The following FZD6 variants were observed in gnomAD, a reference collection of about 807,000 sequenced individuals.
FZD6 encodes the protein frizzled class receptor 6.
Under a neutral mutation model 61.4 loss-of-function variants are expected in FZD6, and 49 were observed. That is an observed-to-expected ratio of 0.80 (90% confidence interval 0.63 to 1.01). The LOEUF (loss-of-function observed/expected upper bound fraction) is 1.01. FZD6 is among the 50% of genes least tolerant of loss of function. The pLI, the probability that FZD6 is intolerant of heterozygous loss-of-function variation, is 0.00. For missense variants in FZD6, 724 were observed against 848.2 expected, an observed-to-expected ratio of 0.85 and a Z score of 1.82; for synonymous variants, 265 against 292.2, an observed-to-expected ratio of 0.91 and a Z score of 0.95.
Position 103,324,953 on chromosome 8 carries a change from A to T in FZD6, c.847A>T (p.Thr283Ser), listed in dbSNP as rs766142758. ...VVLGSQNKAC[T>S]VLFMLLYFFT... ...CCTAGGCTCTCAAAATAAGGCTTGCACCGTTTTGTTCATGCTTTTGTATTT... is the reference window on the plus strand; with the variant it reads ...CCTAGGCTCTCAAAATAAGGCTTGCTCCGTTTTGTTCATGCTTTTGTATTT... The change falls in exon 4 of 7, where the codon ACC becomes TCC. Residue 283 changes from threonine (T) to serine (S), a missense_variant. By Grantham distance (58) the Thr-to-Ser change is moderately conservative. Transcript: ENST00000358755. 2.5e-6 allele frequency: 4 copies of T among 1,614,120 alleles called. No homozygotes were observed. In the South Asian group the frequency reaches 4.4e-5, roughly 18 times the overall value.
At position 103,325,310 on chromosome 8, in the gene FZD6, CATG is replaced by C; in HGVS notation, c.1208_1210del (p.Asp403del). ...AAATCATGTTCGACAAGTCATACAA[CATG>C]ATGGCCGGAACCAAGAAAAACTAAA... On this transcript the variant is annotated inframe_deletion, in exon 4 of 7. Transcript: ENST00000358755. 6.2e-7 allele frequency: 1 copy of C among 1,614,098 alleles called. No individual in the cohort carries two copies. Among genetic ancestry groups the C allele is most frequent in the Admixed American group, 1.7e-5 (1 of 60,026 alleles).
rs1160055495 is a variant in FZD6, at chr8:103,300,061, A to T, written c.-47A>T. ...GGATGGGGATCTTCTGAGGATGCAA[A>T]GAGTGATTCATCCAAGCCATGTGGT... On this transcript the variant is annotated 5_prime_UTR_variant, in exon 2 of 7. It adds an upstream start codon to the 5' untranslated region. Coordinates refer to ENST00000358755, the MANE Select transcript of FZD6 (RefSeq NM_003506.4). 5 of 1,092,972 alleles carry T rather than the reference A, an allele frequency of 4.6e-6. No homozygotes were observed. In the South Asian group the frequency reaches 6.2e-5, roughly 14 times the overall value. 67.7% of individuals were successfully genotyped at this position (1,092,972 alleles called of 1,614,324 possible). A position where few individuals can be genotyped will look rare whatever the true frequency, so the allele number is the denominator to read the frequency against.
chr8:103,331,358 A>G lies in FZD6; in HGVS notation c.1970A>G (p.Asp657Gly), dbSNP rs558778118. The G allele has an allele frequency of 1.5e-5, 24 of 1,612,232 alleles. No individual in the cohort carries two copies. In the South Asian group the frequency reaches 2.5e-4, roughly 17 times the overall value. The change falls in exon 7 of 7, where the codon GAT (aspartate) becomes GGT (glycine). Residue 657 changes from aspartate to glycine, a missense_variant. Coordinates refer to ENST00000358755, the MANE Select transcript of FZD6 (RefSeq NM_003506.4). ...TTATCTAGGATTAGTCCAAAGAGTG[A>G]TATTACTGACACTGGCCTGGCACAG... ...RSEGRISPKS[D>G]ITDTGLAQSN...
At chr8:103,304,259 A>G (rs373450070) in intron 2 of FZD6, among the ~76,000 whole-genome samples, 1 of 152,192 alleles carries the variant, frequency 6.6e-6, no homozygotes, top group African/African-American at 2.4e-5. Context: ...TCATTTTGTA[A>G]CAGCTAGCCT....
Position 103,318,797 on chromosome 8 carries a change from T to C in FZD6, c.374+11T>C, listed in dbSNP as rs766535330. The C allele has an allele frequency of 5.3e-6, 8 of 1,504,186 alleles. No homozygotes were observed. The African/African-American group carries it at 1.1e-4, about 21-fold the overall frequency. The allele number at this position is 1,504,186 out of a possible 1,614,324, so 93.2% of individuals were successfully genotyped here. ...GCTTGAATGTGACAGGTAAACAATG[T>C]TTTTCATGGAAAGCTACTAATGGTA... On this transcript the variant is annotated intron_variant, in intron 3 of 6. Coordinates refer to ENST00000358755, the MANE Select transcript of FZD6 (RefSeq NM_003506.4).
In FZD6 at chr8:103,321,039, G is replaced by A. The variant is rs777904255; in HGVS notation, c.374+2253G>A. On this transcript the variant is annotated intron_variant, in intron 3 of 6. Transcript: ENST00000358755. ...TTATATTTATATGAGAAGACGGTGA[G>A]GCCTGTGGAGAAAATACTTGCTCTT... Among the ~76,000 whole-genome samples, 20 of 152,098 alleles carry A rather than the reference G, an allele frequency of 1.3e-4. 1 individual carries two copies. The highest frequency in any genetic ancestry group is 1.5e-5 in the Non-Finnish European group (1 of 68,022).
At chr8:103,306,428 CT>C (rs1383375011) in intron 2 of FZD6, among the ~76,000 whole-genome samples, 1 of 149,306 alleles carries the variant, frequency 6.7e-6, no homozygotes, top group African/African-American at 2.5e-5. Context: ...CCAGTGAAGT[CT>C]AACTGAAAAC....
rs778930232 is a variant in FZD6, at chr8:103,325,369, C to T, written c.1263C>T (p.Ser421=). 2.0e-5 allele frequency: 32 copies of T among 1,613,754 alleles called. No individual in the cohort carries two copies. Among genetic ancestry groups the T allele is most frequent in the South Asian group, 4.4e-5 (4 of 91,080 alleles). ...KKFMIRIGVF[S]GLYLVPLVTL... is the part of the protein sequence containing the mutation. ...TTATGATTCGAATTGGAGTCTTCAG[C>T]GGCTTGTATCTTGTGCCATTAGTGA... Residue 421 remains serine, a synonymous_variant, in exon 4 of 7, where the codon AGC becomes AGT. Transcript: ENST00000358755.
chr8:103,323,573 G>A (rs1211413991), intron 3 of FZD6, among the ~76,000 whole-genome samples: 1 of 152,038 alleles, frequency 6.6e-6, no homozygotes, highest in Non-Finnish European at 1.5e-5. Flanking sequence ...TGGGATTACA[G>A]GCACCTGTCA....
intron 2 of FZD6, among the ~76,000 whole-genome samples, chr8:103,302,365 T>C (rs1479351423): frequency 6.6e-6 from 1 of 152,188 alleles, no homozygotes; most frequent in Non-Finnish European, 1.5e-5. Flanking sequence ...CTTAACCTTT[T>C]TTATGACATT....
At position 103,324,909 on chromosome 8, in the gene FZD6, A is replaced by C; in HGVS notation, c.803A>C (p.Glu268Ala). 3 of 1,614,026 alleles carry C rather than the reference A, an allele frequency of 1.9e-6. No homozygotes were observed. The highest frequency in any genetic ancestry group is 2.5e-6 in the Non-Finnish European group (3 of 1,179,902). ...TACNKADEKL[E>A]LGDTVVLGSQ... ...TGCAATAAGGCAGATGAGAAGCTAGAACTTGGTGACACTGTTGTCCTAGGC... is the reference window on the plus strand; with the variant it reads ...TGCAATAAGGCAGATGAGAAGCTAGCACTTGGTGACACTGTTGTCCTAGGC... The change falls in exon 4 of 7, where the codon GAA becomes GCA. Residue 268 changes from glutamate to alanine, a missense_variant. By Grantham distance (107) the Glu-to-Ala change is moderately radical (BLOSUM62 -1). Transcript: ENST00000358755.
At chr8:103,302,959 A>G (rs1814215207) in intron 2 of FZD6, among the ~76,000 whole-genome samples, 1 of 152,212 alleles carries the variant, frequency 6.6e-6, no homozygotes, top group Non-Finnish European at 1.5e-5. Flanking sequence ...CTTCAACTCA[A>G]CAAAACAAAA....
At chr8:103,309,452 G>A (rs1210733551) in intron 2 of FZD6, among the ~76,000 whole-genome samples, 1 of 152,184 alleles carries the variant, frequency 6.6e-6, no homozygotes, top group Non-Finnish European at 1.5e-5. Flanking sequence ...CTGGAAAGTT[G>A]AAATGAGCAG....
At chr8:103,329,587 C>T (rs888909793) in intron 5 of FZD6, 68 bp from the exon 6 acceptor site, 17 of 1,181,270 alleles carry the variant, frequency 1.4e-5, no homozygotes, top group Middle Eastern at 2.4e-4. Flanking sequence ...ATGTGATATC[C>T]TTTATATCCT....
At chr8:103,314,649 G>A (rs1391073790) in intron 2 of FZD6, among the ~76,000 whole-genome samples, 1 of 152,188 alleles carries the variant, frequency 6.6e-6, no homozygotes. Context: ...CTTCCCACTG[G>A]TCCAACATCC....
At position 103,325,237 on chromosome 8, in the gene FZD6, T is replaced by C. The variant is rs1258081039; in HGVS notation, c.1131T>C (p.Leu377=). 4 of 1,614,102 alleles carry C rather than the reference T, an allele frequency of 2.5e-6. No homozygotes were observed. In the African/African-American group the frequency reaches 4.0e-5, roughly 16 times the overall value. The change falls in exon 4 of 7, where the codon CTT becomes CTC. Residue 377 remains leucine, a synonymous_variant. Coordinates refer to ENST00000358755, the MANE Select transcript of FZD6 (RefSeq NM_003506.4). ...SRYFVLLPLC[L]CVFVGLSLLL... is the part of the protein sequence containing the mutation. ...ACTTTGTACTCTTGCCACTGTGCCTTTGTGTGTTTGTTGGGCTCTCTCTTC... is the reference window on the plus strand; with the variant it reads ...ACTTTGTACTCTTGCCACTGTGCCTCTGTGTGTTTGTTGGGCTCTCTCTTC...
At chr8:103,323,691 A>G (rs908008865) in intron 3 of FZD6, among the ~76,000 whole-genome samples, 2 of 152,176 alleles carry the variant, frequency 1.3e-5, no homozygotes, top group African/African-American at 4.8e-5. Context: ...TCAGCCTCCC[A>G]AAGTGCTGGA....
At chr8:103,315,328 G>C (rs1814599370) in intron 2 of FZD6, among the ~76,000 whole-genome samples, 1 of 152,114 alleles carries the variant, frequency 6.6e-6, no homozygotes, top group African/African-American at 2.4e-5. Flanking sequence ...CCTGCTAGTA[G>C]ATATTTCACA....
intron 2 of FZD6, among the ~76,000 whole-genome samples, chr8:103,307,459 A>G (rs1157437384): frequency 2.0e-5 from 3 of 152,216 alleles, no homozygotes; most frequent in African/African-American, 7.2e-5. Context: ...ACAGACCTAT[A>G]TGCCCTCACA....
Sources: allele counts gnomAD v4.1 joint callset (sites outside exome capture counted in the v4.1 genomes callset), GRCh38; gene constraint gnomAD v4.1.1; transcripts MANE v1.5; gene names NCBI Gene and HGNC (gene_info 2026-07-23, HGNC 2026-07-21).